ABCA13: variants seen among roughly 807,000 people sequenced by gnomAD.
The protein encoded by ABCA13 is ATP-binding cassette sub-family A member 13.
ABCA13 carries 476 observed loss-of-function variants against 478.7 expected under a neutral mutation model. The observed-to-expected ratio is 0.99, with a 90% CI of 0.92 to 1.07. ABCA13 has a LOEUF of 1.07. ABCA13 is among the 50% of genes least tolerant of loss of function. The probability of loss-of-function intolerance (pLI) is 0.00; values close to 1 mark genes in which losing one functional copy is unlikely to be tolerated. For missense variants in ABCA13, 6,060 were observed against 5,910.6 expected (o/e 1.03, Z -0.83); for synonymous variants, 2,252 against 2,158.9 (o/e 1.04, Z -1.20).
rs1554523665 is a variant in ABCA13, at chr7:48,462,452, C to CCG, written c.12816-4503_12816-4502insGC. On this transcript the variant is annotated intron_variant, in intron 43 of 61. Coordinates refer to ENST00000435803, the MANE Select transcript of ABCA13 (RefSeq NM_152701.5). The stretch of plus-strand genomic sequence containing the variant: ...CCTTGGAGTAAAGGATTCCCCCCCC[C>CCG]CTACTGTTTCCTTATCAAAACTGCA... Among the ~76,000 whole-genome samples, 24 of 152,012 alleles carry CCG rather than the reference C, an allele frequency of 1.6e-4. 1 individual carries two copies. The South Asian group carries it at 4.6e-3, about 29-fold the overall frequency.
intron 40 of ABCA13, 139 bp downstream of exon 40, chr7:48,410,816 C>T: frequency 1.6e-6 from 2 of 1,259,514 alleles, no homozygotes; most frequent in Non-Finnish European, 2.2e-6. Flanking sequence ...AAATAAGTGG[C>T]CCCAGGCCTG....
Position 48,288,051 on chromosome 7 carries a change from G to C in ABCA13, c.8928G>C (p.Gly2976=), listed in dbSNP as rs201864434. 6.2e-7 allele frequency: 1 copy of C among 1,613,940 alleles called. No individual in the cohort carries two copies. The highest frequency in any genetic ancestry group is 2.2e-5 in the East Asian group (1 of 44,882). The change falls in exon 20 of 62, where the codon GGG becomes GGC. Residue 2976 remains glycine, a synonymous_variant. Coordinates refer to ENST00000435803, the MANE Select transcript of ABCA13 (RefSeq NM_152701.5). ...IRHLILSAIQ[G]VTLAQDHFQE... ...ATCTCATTTTATCTGCTATACAAGG[G>C]GTCACTTTGGCGCAGGACCACTTCC...
chr7:48,534,092 G>A (rs1191416277), intron 55 of ABCA13, among the ~76,000 whole-genome samples: 2 of 151,642 alleles, frequency 1.3e-5, no homozygotes, highest in Admixed American at 1.3e-4. Context: ...CTTTAAAGAG[G>A]TTCTATTTTG....
chr7:48,514,368 T>G (rs1831951646), intron 51 of ABCA13, among the ~76,000 whole-genome samples: 1 of 152,152 alleles, frequency 6.6e-6, no homozygotes, highest in South Asian at 2.1e-4. Flanking sequence ...TCTTTTGTAG[T>G]GGAGGTTTAA....
chr7:48,615,515 G>A, intron 59 of ABCA13, 138 bp downstream of exon 59: 1 of 669,464 alleles, frequency 1.5e-6, no homozygotes, highest in Non-Finnish European at 2.4e-6. Context: ...AGGCTCTGAG[G>A]GGATAAAATA....
intron 56 of ABCA13, among the ~76,000 whole-genome samples, chr7:48,584,324 G>C (rs1391559936): frequency 6.6e-6 from 1 of 152,128 alleles, no homozygotes; most frequent in Non-Finnish European, 1.5e-5. Flanking sequence ...TGTTAGTACA[G>C]CAGGTCCCCA....
chr7:48,549,032 T>C (rs902046024), intron 55 of ABCA13, among the ~76,000 whole-genome samples: 1 of 151,792 alleles, frequency 6.6e-6, no homozygotes, highest in African/African-American at 2.4e-5. Context: ...TTAGGAGTCA[T>C]TATTTTTTCT....
chr7:48,358,155 G>GA (rs1034724339), intron 31 of ABCA13, among the ~76,000 whole-genome samples: 1 of 133,424 alleles, frequency 7.5e-6, no homozygotes, highest in African/African-American at 2.9e-5. Context: ...GAAAAGAAAA[G>GA]AAAAAAAAGA....
chr7:48,572,380 A>C (rs1228255939), intron 55 of ABCA13, among the ~76,000 whole-genome samples: 3 of 152,090 alleles, frequency 2.0e-5, no homozygotes, highest in African/African-American at 7.2e-5. Context: ...GTACAGCAGC[A>C]TGATCATAGC....
In ABCA13 at chr7:48,626,780, C is replaced by T. The variant is rs1793707937; in HGVS notation, c.14837+11403C>T. On this transcript the variant is annotated intron_variant, in intron 59 of 61. Coordinates refer to ENST00000435803, the MANE Select transcript of ABCA13 (RefSeq NM_152701.5). The stretch of plus-strand genomic sequence containing the variant: ...AAAGATAGTGATGTCTTTAGAGAAA[C>T]AGAAGTTGGGTGGGCTGTGAGGGTG... 9.1e-6 allele frequency: 9 copies of T among 985,258 alleles called. No homozygotes were observed. The South Asian group carries it at 4.2e-4, about 46-fold the overall frequency. 61.0% of individuals were successfully genotyped at this position (985,258 alleles called of 1,614,324 possible).
intron 19 of ABCA13, among the ~76,000 whole-genome samples, chr7:48,286,918 T>C (rs1797845532): frequency 6.6e-6 from 1 of 152,242 alleles, no homozygotes; most frequent in Non-Finnish European, 1.5e-5. Context: ...AAATGTATTT[T>C]ATTTTCTGTC....
intron 24 of ABCA13, among the ~76,000 whole-genome samples, chr7:48,311,235 A>G (rs1801724292): frequency 6.6e-6 from 1 of 152,128 alleles, no homozygotes; most frequent in African/African-American, 2.4e-5. Flanking sequence ...TCAAGAGTCC[A>G]GGGAGTAAAT....
chr7:48,326,378 C>T (rs892321823), intron 27 of ABCA13, among the ~76,000 whole-genome samples: 1 of 152,178 alleles, frequency 6.6e-6, no homozygotes, highest in Admixed American at 6.5e-5. Flanking sequence ...AACTAGCCGG[C>T]TGTAAATTGG....
chr7:48,244,110 G>A (rs370691861), intron 10 of ABCA13, among the ~76,000 whole-genome samples: 3 of 152,172 alleles, frequency 2.0e-5, no homozygotes, highest in African/African-American at 7.2e-5. Context: ...CTGGGTGGTC[G>A]TTCTTCCTTT....
chr7:48,369,672 T>C (rs1374710647), intron 32 of ABCA13, among the ~76,000 whole-genome samples: 1 of 152,210 alleles, frequency 6.6e-6, no homozygotes, highest in African/African-American at 2.4e-5. Flanking sequence ...TTTATGTTTT[T>C]GTTTGCTTTG....
chr7:48,549,490 T>C (rs1585774703), intron 55 of ABCA13, among the ~76,000 whole-genome samples: 1 of 151,892 alleles, frequency 6.6e-6, no homozygotes. Context: ...GTTGGTTCCA[T>C]GTCTTTGCTA....
chr7:48,189,113 C>A (rs554416074), intron 1 of ABCA13, among the ~76,000 whole-genome samples: 2 of 152,242 alleles, frequency 1.3e-5, no homozygotes, highest in South Asian at 2.1e-4. Flanking sequence ...GCAGAAGTGC[C>A]AGTTTCTGCT....
intron 55 of ABCA13, among the ~76,000 whole-genome samples, chr7:48,563,838 G>T (rs1189230023): frequency 1.7e-5 from 2 of 120,720 alleles, no homozygotes; most frequent in African/African-American, 2.9e-5. Context: ...GTGTGTGTGT[G>T]TTTTGCATGG....
At chr7:48,558,868 T>C (rs967195096) in intron 55 of ABCA13, among the ~76,000 whole-genome samples, 1 of 152,206 alleles carries the variant, frequency 6.6e-6, no homozygotes, top group African/African-American at 2.4e-5. Flanking sequence ...GTCTGGACGT[T>C]GAAGAGTTAA....
Sources: gnomAD v4.1 joint callset for allele counts (sites outside exome capture counted in the v4.1 genomes callset) on GRCh38, gnomAD v4.1.1 for gene constraint, MANE v1.5 for transcripts, NCBI Gene and HGNC (gene_info 2026-07-23, HGNC 2026-07-21) for gene names.